CWF19L2: variants seen among roughly 807,000 people sequenced by gnomAD.
CWF19L2 encodes CWF19 like cell cycle control factor 2.
A neutral mutation model predicts 111.7 loss-of-function variants in CWF19L2; 98 were observed. The observed-to-expected ratio is 0.88, with a 90% CI of 0.75 to 1.04. The LOEUF is 1.04. CWF19L2 is among the 50% of genes least tolerant of loss of function. The pLI is 0.00. For missense variants in CWF19L2, 1,101 were observed against 1,051.4 expected (o/e 1.05, Z -0.65); for synonymous variants, 351 against 342.9 (o/e 1.02, Z -0.26).
At chr11:107,383,510 A>G (rs1806215162) in intron 12 of CWF19L2, among the ~76,000 whole-genome samples, 1 of 152,126 alleles carries the variant, frequency 6.6e-6, no homozygotes, top group African/African-American at 2.4e-5. Context: ...CCCTCTTTTC[A>G]TTAATTATGT....
At chr11:107,345,148 T>C (rs1860060519) in intron 14 of CWF19L2, among the ~76,000 whole-genome samples, 1 of 152,222 alleles carries the variant, frequency 6.6e-6, no homozygotes, top group African/African-American at 2.4e-5. Flanking sequence ...ATATACAAAT[T>C]TGCTATTATG....
intron 10 of CWF19L2, among the ~76,000 whole-genome samples, chr11:107,411,240 G>A (rs189760796): frequency 2.0e-4 from 31 of 152,140 alleles, no homozygotes; most frequent in African/African-American, 7.5e-4. Flanking sequence ...ACCTTAACCT[G>A]CCTAAAACAG....
Position 107,428,818 on chromosome 11 carries a change from T to C in CWF19L2, c.1414A>G (p.Thr472Ala). The stretch of plus-strand genomic sequence containing the variant: ...AAATACCCAGCAAATGTAGACTTTG[T>C]ATCCCGTAGATGTTCTTTTTTTGGA... ...DPPKKEHLRD[T>A]KSTFAGSPER... Residue 472 changes from threonine to alanine, a missense_variant, in exon 8 of 18, where the codon ACA (threonine) becomes GCA (alanine). Physicochemically the swap from Thr to Ala is moderately conservative, Grantham distance 58. Transcript: ENST00000282251. 6.2e-7 allele frequency: 1 copy of C among 1,608,450 alleles called. No homozygotes were observed. The highest frequency in any genetic ancestry group is 8.5e-7 in the Non-Finnish European group (1 of 1,178,210).
At chr11:107,397,265 AG>A (rs1860937564) in intron 10 of CWF19L2, among the ~76,000 whole-genome samples, 1 of 152,114 alleles carries the variant, frequency 6.6e-6, no homozygotes, top group Non-Finnish European at 1.5e-5. Context: ...AGATATCCTC[AG>A]GTATGTTTTC....
chr11:107,456,566 TTTTC>T (rs1241805895), intron 1 of CWF19L2, among the ~76,000 whole-genome samples: 2 of 152,060 alleles, frequency 1.3e-5, no homozygotes, highest in African/African-American at 4.8e-5. Flanking sequence ...GCTGTAGTCA[TTTTC>T]TTTTTTTTTT....
intron 12 of CWF19L2, among the ~76,000 whole-genome samples, chr11:107,380,306 C>T (rs1860665862): frequency 6.6e-6 from 1 of 152,098 alleles, no homozygotes; most frequent in Non-Finnish European, 1.5e-5. Flanking sequence ...AACTATCCTT[C>T]AAGCTCCAAG....
At chr11:107,373,893 A>G (rs1312949838) in intron 12 of CWF19L2, among the ~76,000 whole-genome samples, 1 of 134,384 alleles carries the variant, frequency 7.4e-6, no homozygotes, top group Admixed American at 7.3e-5. Flanking sequence ...CAGAATGTAT[A>G]ACTAGAACAA....
intron 8 of CWF19L2, among the ~76,000 whole-genome samples, chr11:107,424,438 T>C (rs946804510): frequency 7.3e-6 from 1 of 137,348 alleles, no homozygotes; most frequent in Non-Finnish European, 1.6e-5. Context: ...ATCTGGCTTC[T>C]ATACACCCTT....
chr11:107,457,369 G>A (rs746197842), intron 1 of CWF19L2, among the ~76,000 whole-genome samples: 9 of 152,184 alleles, frequency 5.9e-5, no homozygotes, highest in Non-Finnish European at 8.8e-5. Context: ...CAATGACTGA[G>A]GCTGCGAGAC....
chr11:107,406,717 C>T (rs547256235), intron 10 of CWF19L2, among the ~76,000 whole-genome samples: 1 of 149,802 alleles, frequency 6.7e-6, no homozygotes, highest in Non-Finnish European at 1.5e-5. Context: ...TTCTTAGAGG[C>T]TATTAACTTT....
chr11:107,399,042 T>C (rs1465773089), intron 10 of CWF19L2, among the ~76,000 whole-genome samples: 1 of 152,084 alleles, frequency 6.6e-6, no homozygotes, highest in Non-Finnish European at 1.5e-5. Flanking sequence ...TGAAGGTTCC[T>C]TTTGCTAAAA....
intron 6 of CWF19L2, among the ~76,000 whole-genome samples, chr11:107,434,018 A>G (rs1861506068): frequency 6.6e-6 from 1 of 150,808 alleles, no homozygotes; most frequent in Non-Finnish European, 1.5e-5. Flanking sequence ...GAATAAGAAT[A>G]AAAGGACATA....
chr11:107,398,306 T>C (rs959030059), intron 10 of CWF19L2, among the ~76,000 whole-genome samples: 1 of 151,924 alleles, frequency 6.6e-6, no homozygotes, highest in Non-Finnish European at 1.5e-5. Flanking sequence ...AAGGAAAAAA[T>C]ATTCAAGGAA....
chr11:107,451,226 T>A (rs664836), intron 3 of CWF19L2, among the ~76,000 whole-genome samples: 27,034 of 151,992 alleles, frequency 0.18, 2,593 homozygotes, highest in Middle Eastern at 0.27. Flanking sequence ...TAAAAACTCT[T>A]ATATATCCAT....
At chr11:107,447,691 A>G (rs1323639439) in intron 3 of CWF19L2, among the ~76,000 whole-genome samples, 1 of 152,234 alleles carries the variant, frequency 6.6e-6, no homozygotes, top group African/African-American at 2.4e-5. Context: ...AAGGAAACTC[A>G]ATACTCTCTG....
intron 8 of CWF19L2, among the ~76,000 whole-genome samples, chr11:107,418,509 A>G (rs1861259485): frequency 6.6e-6 from 1 of 152,220 alleles, no homozygotes; most frequent in Admixed American, 6.5e-5. Context: ...ATAACTGATC[A>G]AAATCCCAAT....
rs775542026 is a variant in CWF19L2 at position 107,454,507 on chromosome 11, TTTC to T, written c.279_281del (p.Lys96del). On this transcript the variant is annotated inframe_deletion, in exon 3 of 18. Coordinates refer to ENST00000282251, the MANE Select transcript of CWF19L2 (RefSeq NM_152434.3). ...CATATTTCTGTTTCTTGCTCTTTTT[TTTC>T]TTTTCTTTCTTTGCTTTTTTTGAAT... 1.3e-6 allele frequency: 2 copies of T among 1,482,738 alleles called. No homozygotes were observed. Among genetic ancestry groups the T allele is most frequent in the South Asian group, 2.8e-5 (2 of 70,572 alleles). The allele number at this position is 1,482,738 out of a possible 1,614,324, so 91.8% of individuals were successfully genotyped here.
intron 12 of CWF19L2, among the ~76,000 whole-genome samples, chr11:107,362,559 G>T (rs1010597585): frequency 6.6e-6 from 1 of 152,110 alleles, no homozygotes; most frequent in African/African-American, 2.4e-5. Flanking sequence ...CCCAGGAGGG[G>T]CAGACTGACA....
intron 15 of CWF19L2, 131 bp downstream of exon 15, chr11:107,336,427 C>A (rs895997192): frequency 7.9e-6 from 6 of 763,616 alleles, no homozygotes; most frequent in African/African-American, 3.8e-5. Flanking sequence ...CTGTGCCCGG[C>A]CTATTTCATT....
Sources: gnomAD v4.1 joint callset for allele counts (sites outside exome capture counted in the v4.1 genomes callset) on GRCh38, gnomAD v4.1.1 for gene constraint, MANE v1.5 for transcripts, NCBI Gene and HGNC (gene_info 2026-07-23, HGNC 2026-07-21) for gene names.